KIF16B: variants seen among roughly 807,000 people sequenced by gnomAD.
KIF16B encodes the protein kinesin family member 16B, also known as kinesin-like protein KIF16B.
Under a neutral mutation model 156.3 loss-of-function variants are expected in KIF16B, and 98 were observed. The observed-to-expected ratio is 0.63, with a 90% CI of 0.53 to 0.74. KIF16B has a LOEUF of 0.74. Among genes scored for constraint, KIF16B ranks in the 30% least tolerant of loss-of-function variants. The probability of loss-of-function intolerance (pLI) is 0.00; values close to 1 mark genes in which losing one functional copy is unlikely to be tolerated. For missense variants in KIF16B, 1,421 were observed against 1,606.5 expected (o/e 0.88, Z 1.97); for synonymous variants, 564 against 583.7 (o/e 0.97, Z 0.49).
chr20:16,418,425 T>A (rs188991190), intron 15 of KIF16B, among the ~76,000 whole-genome samples: 1 of 152,122 alleles, frequency 6.6e-6, no homozygotes, highest in African/African-American at 2.4e-5. Flanking sequence ...TGCTTTCTTA[T>A]ACTCCCTCCT....
intron 15 of KIF16B, among the ~76,000 whole-genome samples, chr20:16,409,948 CATATATATATATATATATATACATATAT>C (rs200128578): frequency 0.049 from 2,661 of 54,718 alleles, 171 homozygotes; most frequent in East Asian, 0.16. Context: ...CACTTACCTA[CATATATATATATATATATATACATATAT>C]ATATATATAT....
chr20:16,390,808 C>A (rs979248244), intron 17 of KIF16B, among the ~76,000 whole-genome samples: 2 of 152,192 alleles, frequency 1.3e-5, no homozygotes, highest in Non-Finnish European at 2.9e-5. Flanking sequence ...TCTACATATA[C>A]AACAAAACTT....
chr20:16,283,242 GTGGGC>G (rs2063173855), intron 25 of KIF16B, among the ~76,000 whole-genome samples: 1 of 152,238 alleles, frequency 6.6e-6, no homozygotes, highest in Non-Finnish European at 1.5e-5. Context: ...TTTTCCTGGG[GTGGGC>G]TACCCAGGGT....
At chr20:16,532,517 G>A (rs2069797001) in intron 1 of KIF16B, among the ~76,000 whole-genome samples, 1 of 152,148 alleles carries the variant, frequency 6.6e-6, no homozygotes, top group South Asian at 2.1e-4. Context: ...ATGTTCATGT[G>A]GCTACAAAAC....
intron 17 of KIF16B, among the ~76,000 whole-genome samples, chr20:16,403,126 G>A (rs961291404): frequency 1.3e-5 from 2 of 152,176 alleles, no homozygotes; most frequent in Non-Finnish European, 2.9e-5. Flanking sequence ...CACTGTGGAG[G>A]ATAATAACGA....
intron 15 of KIF16B, among the ~76,000 whole-genome samples, chr20:16,411,810 A>T (rs1053664501): frequency 4.0e-5 from 6 of 151,820 alleles, no homozygotes; most frequent in Non-Finnish European, 8.8e-5. Context: ...TGTGTGGTGG[A>T]CCTAAGTTTT....
intron 10 of KIF16B, among the ~76,000 whole-genome samples, chr20:16,502,359 T>C (rs1401028967): frequency 6.6e-6 from 1 of 152,180 alleles, no homozygotes; most frequent in Non-Finnish European, 1.5e-5. Flanking sequence ...GCTGTTTTTA[T>C]TAAGCTTCAT....
At chr20:16,305,309 T>C (rs1036820076) in intron 25 of KIF16B, among the ~76,000 whole-genome samples, 2 of 152,150 alleles carry the variant, frequency 1.3e-5, no homozygotes, top group Non-Finnish European at 2.9e-5. Flanking sequence ...GACCACTCCA[T>C]AATAGTGTCA....
chr20:16,393,835 G>A (rs2065428790), intron 17 of KIF16B, among the ~76,000 whole-genome samples: 1 of 152,218 alleles, frequency 6.6e-6, no homozygotes, highest in Non-Finnish European at 1.5e-5. Context: ...AGATTTTGGA[G>A]ACAATGTAGG....
At chr20:16,331,946 A>G (rs1005184571) in intron 24 of KIF16B, among the ~76,000 whole-genome samples, 1 of 152,188 alleles carries the variant, frequency 6.6e-6, no homozygotes, top group Non-Finnish European at 1.5e-5. Context: ...ATACTTAGCA[A>G]GTATTGACTA....
chr20:16,350,099 G>T (rs1344442876), intron 23 of KIF16B, among the ~76,000 whole-genome samples: 2 of 152,232 alleles, frequency 1.3e-5, no homozygotes, highest in Non-Finnish European at 2.9e-5. Context: ...GAGACAAGAG[G>T]AGACTGTTAC....
intron 1 of KIF16B, among the ~76,000 whole-genome samples, chr20:16,565,319 T>C (rs1201938706): frequency 1.3e-5 from 2 of 152,120 alleles, no homozygotes; most frequent in African/African-American, 2.4e-5. Flanking sequence ...AGCCGTGACA[T>C]CATCACACAC....
At chr20:16,367,373 T>C (rs1476628493) in intron 22 of KIF16B, 1 of 1,612,784 alleles carries the variant, frequency 6.2e-7, no homozygotes, top group Non-Finnish European at 8.5e-7. Flanking sequence ...ACATTTTTCT[T>C]TTCTGGAACA....
At chr20:16,352,602 G>A (rs532415908) in intron 23 of KIF16B, among the ~76,000 whole-genome samples, 5 of 152,124 alleles carry the variant, frequency 3.3e-5, no homozygotes, top group South Asian at 2.1e-4. Flanking sequence ...ACTACTTCAC[G>A]TGGCAATGGG....
chr20:16,378,355 AG>A (rs1490011156), intron 19 of KIF16B, among the ~76,000 whole-genome samples: 1 of 151,776 alleles, frequency 6.6e-6, no homozygotes, highest in East Asian at 1.9e-4. Flanking sequence ...GAGAGGGCAA[AG>A]GAAGAGAAAG....
intron 1 of KIF16B, among the ~76,000 whole-genome samples, chr20:16,546,421 A>C (rs1389020860): frequency 6.6e-6 from 1 of 152,218 alleles, no homozygotes; most frequent in Non-Finnish European, 1.5e-5. Context: ...GTTAATGTTT[A>C]CCGTGTCTCT....
intron 22 of KIF16B, chr20:16,368,096 T>C (rs1208395578): frequency 7.7e-7 from 1 of 1,299,896 alleles, no homozygotes; most frequent in Non-Finnish European, 9.8e-7. Context: ...ACTTCCTTCA[T>C]GTTGCCCAAA....
intron 25 of KIF16B, among the ~76,000 whole-genome samples, chr20:16,311,853 A>G (rs754679559): frequency 7.2e-5 from 11 of 152,224 alleles, no homozygotes; most frequent in Non-Finnish European, 1.3e-4. Flanking sequence ...AGAGTTCTAC[A>G]TGTAGTTGGC....
intron 24 of KIF16B, among the ~76,000 whole-genome samples, chr20:16,314,396 G>T (rs537302227): frequency 6.6e-6 from 1 of 152,174 alleles, no homozygotes; most frequent in Non-Finnish European, 1.5e-5. Flanking sequence ...ATTCCCCCTA[G>T]TGTTCTTTCT....
Sources: allele counts gnomAD v4.1 joint callset (sites outside exome capture counted in the v4.1 genomes callset), GRCh38; gene constraint gnomAD v4.1.1; transcripts MANE v1.5; gene names NCBI Gene and HGNC (gene_info 2026-07-23, HGNC 2026-07-21).